ZC3H12B: variants seen among roughly 807,000 people sequenced by gnomAD.
ZC3H12B encodes probable ribonuclease ZC3H12B.
A neutral mutation model predicts 43.9 loss-of-function variants in ZC3H12B; 7 were observed. That is an observed-to-expected ratio of 0.16 (90% confidence interval 0.09 to 0.30). ZC3H12B has a LOEUF of 0.30. Ranked by LOEUF, ZC3H12B falls within the 10% of genes least tolerant of loss-of-function variation. The pLI is 1.00. For missense variants in ZC3H12B, 475 were observed against 670.2 expected (o/e 0.71, Z 3.22); for synonymous variants, 222 against 241.7 (o/e 0.92, Z 0.76).
At chrX:65,148,951 T>C in the ZC3H12B span, among the ~76,000 whole-genome samples, 2 of 111,891 alleles carry the variant, frequency 1.8e-5, no homozygotes, top group East Asian at 2.8e-4. Context: ...TCTCTCTCTT[T>C]TTTTATTTTG....
At chrX:65,432,833 A>G (rs1445462555) in intron 3 of ZC3H12B, among the ~76,000 whole-genome samples, 1 of 111,965 alleles carries the variant, frequency 8.9e-6, no homozygotes, top group African/African-American at 3.2e-5. Flanking sequence ...TGTCTTACCA[A>G]TAAGTCTAGA....
At chrX:65,229,071 G>C in the ZC3H12B span, among the ~76,000 whole-genome samples, 2 of 110,048 alleles carry the variant, frequency 1.8e-5, no homozygotes, top group East Asian at 5.7e-4. Flanking sequence ...AGCCCACATC[G>C]CCAAGTCAAT....
chrX:65,475,241 A>G (rs1364061435), intron 3 of ZC3H12B, among the ~76,000 whole-genome samples: 1 of 111,772 alleles, frequency 8.9e-6, no homozygotes, highest in African/African-American at 3.2e-5. Flanking sequence ...TGTTGCATTA[A>G]TCTATATATC....
chrX:65,341,403 A>C, the ZC3H12B span, among the ~76,000 whole-genome samples: 5 of 111,732 alleles, frequency 4.5e-5, no homozygotes, highest in Non-Finnish European at 9.4e-5. Flanking sequence ...CAAGACATAT[A>C]ACCATCAGAT....
chrX:65,300,694 A>G, the ZC3H12B span, among the ~76,000 whole-genome samples: 4 of 110,971 alleles, frequency 3.6e-5, no homozygotes, highest in African/African-American at 1.3e-4. Flanking sequence ...TCCTCCCTAT[A>G]CCACCGCAGC....
the ZC3H12B span, among the ~76,000 whole-genome samples, chrX:65,209,631 G>A: frequency 9.2e-6 from 1 of 109,238 alleles, no homozygotes; most frequent in Non-Finnish European, 1.9e-5. Flanking sequence ...GGTGTGGTGT[G>A]GTGCTGAAAA....
intron 3 of ZC3H12B, among the ~76,000 whole-genome samples, chrX:65,452,541 C>G (rs1395869183): frequency 9.0e-6 from 1 of 110,953 alleles, no homozygotes; most frequent in Non-Finnish European, 1.9e-5. Context: ...ATGACACAAA[C>G]AAATGAAAAC....
At chrX:65,275,089 C>T in the ZC3H12B span, among the ~76,000 whole-genome samples, 3 of 112,562 alleles carry the variant, frequency 2.7e-5, no homozygotes, top group Non-Finnish European at 5.6e-5. Flanking sequence ...GTGTCCACAT[C>T]CAAGGACTAT....
the ZC3H12B span, among the ~76,000 whole-genome samples, chrX:65,229,226 A>G: frequency 9.0e-6 from 1 of 110,827 alleles, no homozygotes; most frequent in African/African-American, 3.3e-5. Flanking sequence ...CAGAAATAAC[A>G]CCTCATATCT....
At chrX:65,352,076 A>T in the ZC3H12B span, among the ~76,000 whole-genome samples, 1 of 112,493 alleles carries the variant, frequency 8.9e-6, no homozygotes, top group Non-Finnish European at 1.9e-5. Context: ...CCAAATGTCC[A>T]TCAATAATAG....
the ZC3H12B span, among the ~76,000 whole-genome samples, chrX:65,058,877 G>T: frequency 1.3e-3 from 146 of 112,399 alleles, no homozygotes; most frequent in Middle Eastern, 4.6e-3. Context: ...CTCCGAGCCA[G>T]GCGCGGGATA....
the ZC3H12B span, among the ~76,000 whole-genome samples, chrX:65,164,699 T>G: frequency 4.5e-5 from 5 of 111,977 alleles, no homozygotes; most frequent in African/African-American, 1.6e-4. Flanking sequence ...TCTTTTACTG[T>G]CATAATTTTT....
chrX:65,200,370 T>G, the ZC3H12B span, among the ~76,000 whole-genome samples: 706 of 109,733 alleles, frequency 6.4e-3, 8 homozygotes, highest in African/African-American at 0.022. Context: ...ATATACAGAT[T>G]GCAAAAATTT....
the ZC3H12B span, among the ~76,000 whole-genome samples, chrX:65,077,882 C>A: frequency 8.9e-6 from 1 of 111,886 alleles, no homozygotes; most frequent in African/African-American, 3.3e-5. Flanking sequence ...CATATAGTTT[C>A]TTACCATATT....
chrX:65,379,464 C>A (rs1372571490), intron 2 of ZC3H12B, among the ~76,000 whole-genome samples: 1 of 111,906 alleles, frequency 8.9e-6, no homozygotes, highest in Non-Finnish European at 1.9e-5. Context: ...TGTACATCAC[C>A]ATCATCTAAG....
At chrX:65,378,710 T>G (rs779440724) in intron 2 of ZC3H12B, among the ~76,000 whole-genome samples, 1 of 112,159 alleles carries the variant, frequency 8.9e-6, no homozygotes, top group African/African-American at 3.2e-5. Context: ...TTCATCTCAC[T>G]AGGGAGTGCC....
chrX:65,230,483 T>A, the ZC3H12B span, among the ~76,000 whole-genome samples: 2 of 108,333 alleles, frequency 1.8e-5, no homozygotes, highest in African/African-American at 6.8e-5. Context: ...ATGTATACAT[T>A]TGTAACTAAC....
At chrX:65,282,397 GA>G in the ZC3H12B span, among the ~76,000 whole-genome samples, 3 of 111,979 alleles carry the variant, frequency 2.7e-5, no homozygotes, top group Non-Finnish European at 5.6e-5. Context: ...TATGTCACTT[GA>G]ATTTAACGGT....
chrX:65,155,421 C>G, the ZC3H12B span, among the ~76,000 whole-genome samples: 1 of 111,835 alleles, frequency 8.9e-6, no homozygotes, highest in African/African-American at 3.3e-5. Context: ...CATTCCTGGG[C>G]TAAACCCACT....
Sources: allele counts gnomAD v4.1 joint callset (sites outside exome capture counted in the v4.1 genomes callset), GRCh38; gene constraint gnomAD v4.1.1; transcripts MANE v1.5; gene names NCBI Gene and HGNC (gene_info 2026-07-23, HGNC 2026-07-21).